DAAM1: variants seen among roughly 807,000 people sequenced by gnomAD.
DAAM1 encodes the protein dishevelled associated activator of morphogenesis 1.
Under a neutral mutation model 130.0 loss-of-function variants are expected in DAAM1, and 52 were observed. That is an observed-to-expected ratio of 0.40 (90% CI 0.32 to 0.50). DAAM1 has a LOEUF of 0.50. Ranked by LOEUF, DAAM1 falls within the 20% of genes least tolerant of loss-of-function variation. The pLI is 0.61. For missense variants in DAAM1, 1,134 were observed against 1,303.8 expected, an observed-to-expected ratio of 0.87 and a Z score of 2.01; for synonymous variants, 452 against 444.5, an observed-to-expected ratio of 1.02 and a Z score of -0.21.
intron 3 of DAAM1, chr14:59,299,647 T>A (rs1192151349): frequency 6.6e-6 from 1 of 152,084 alleles, no homozygotes; most frequent in African/African-American, 2.4e-5. Flanking sequence ...AAATACTAAG[T>A]TAGGAGGTTC....
chr14:59,225,747 G>C (rs1888922389), intron 1 of DAAM1, among the ~76,000 whole-genome samples: 1 of 152,182 alleles, frequency 6.6e-6, no homozygotes, highest in Non-Finnish European at 1.5e-5. Flanking sequence ...TTCTGGGCAA[G>C]GTTTGATCTA....
chr14:59,318,954 G>C (rs1884895787), intron 4 of DAAM1, among the ~76,000 whole-genome samples: 1 of 152,182 alleles, frequency 6.6e-6, no homozygotes, highest in Non-Finnish European at 1.5e-5. Context: ...CATTAATTTG[G>C]GGATAGTTTT....
At chr14:59,352,476 A>C in intron 17 of DAAM1, 50 bp from the exon 18 acceptor site, 3 of 1,436,972 alleles carry the variant, frequency 2.1e-6, no homozygotes, top group Non-Finnish European at 2.9e-6. Context: ...AAATTACTAC[A>C]TGGATTTAAG....
At chr14:59,348,069 C>T (rs950409750) in intron 17 of DAAM1, among the ~76,000 whole-genome samples, 3 of 152,200 alleles carry the variant, frequency 2.0e-5, no homozygotes, top group African/African-American at 7.2e-5. Flanking sequence ...CCTTTAAACC[C>T]CTAACACTGT....
At chr14:59,245,045 G>A (rs989004703) in intron 1 of DAAM1, among the ~76,000 whole-genome samples, 8 of 151,958 alleles carry the variant, frequency 5.3e-5, no homozygotes, top group Admixed American at 4.6e-4. Flanking sequence ...CTCAGGGAAG[G>A]GAAAAGGACG....
At chr14:59,349,272 C>T (rs888139191) in intron 17 of DAAM1, among the ~76,000 whole-genome samples, 14 of 152,368 alleles carry the variant, frequency 9.2e-5, no homozygotes, top group Admixed American at 3.9e-4. Flanking sequence ...TTTTAAAATT[C>T]CACAAGATCT....
intron 1 of DAAM1, among the ~76,000 whole-genome samples, chr14:59,209,011 G>A (rs996970687): frequency 6.6e-6 from 1 of 152,296 alleles, no homozygotes; most frequent in East Asian, 1.9e-4. Flanking sequence ...GCAGAACCAT[G>A]AGCAAATTAA....
intron 15 of DAAM1, chr14:59,338,449 A>G (rs1198926586): frequency 6.2e-7 from 1 of 1,610,134 alleles, no homozygotes; most frequent in Admixed American, 1.7e-5. Flanking sequence ...TGCTTAATAT[A>G]ACTCCTTGGC....
rs1228894453 is a variant in DAAM1 at position 59,272,608 on chromosome 14, T to TATACAC, written c.183+8949_183+8950insTACACA. ...AACAAACAAACAAAATATATATATA[T>TATACAC]ACACACACACACACACACACACATA... On this transcript the variant is annotated intron_variant, in intron 2 of 24. Coordinates refer to ENST00000360909, the MANE Select transcript of DAAM1 (RefSeq NM_001270520.2). 7.3e-5 allele frequency among the ~76,000 whole-genome samples: 10 copies of TATACAC among 137,058 alleles called. No individual in the cohort carries two copies. In the East Asian group the frequency reaches 1.6e-3, roughly 22 times the overall value. 89.9% of individuals were successfully genotyped at this position (137,058 alleles called of 152,430 possible).
At chr14:59,209,313 C>G (rs1361067070) in intron 1 of DAAM1, among the ~76,000 whole-genome samples, 2 of 152,112 alleles carry the variant, frequency 1.3e-5, no homozygotes, top group African/African-American at 4.8e-5. Context: ...TACAAGATAA[C>G]CATTTTTGTT....
intron 1 of DAAM1, among the ~76,000 whole-genome samples, chr14:59,219,809 T>C (rs1407038369): frequency 2.0e-5 from 3 of 152,210 alleles, no homozygotes; most frequent in Admixed American, 1.3e-4. Context: ...TACTGTAGGA[T>C]CCTGCTTGTC....
rs77604823 is a variant in DAAM1, at chr14:59,205,804, T to C, written c.-38+17036T>C. Among the ~76,000 whole-genome samples the C allele has an allele frequency of 1.2e-3, 184 of 152,334 alleles. 4 individuals are homozygous for C. The East Asian group carries it at 0.024, about 20-fold the overall frequency. ...GTTATCTAACTTAAACTTCATTTTG[T>C]AGGAAAAGATACCCTTGGGATGAGA... On this transcript the variant is annotated intron_variant, in intron 1 of 24. Transcript: ENST00000360909.
At chr14:59,341,561 C>T (rs1363312961) in intron 16 of DAAM1, among the ~76,000 whole-genome samples, 2 of 151,906 alleles carry the variant, frequency 1.3e-5, no homozygotes, top group Non-Finnish European at 2.9e-5. Flanking sequence ...CTCACTGTGC[C>T]TGATTTATAA....
chr14:59,213,733 G>A (rs1234709005), intron 1 of DAAM1, among the ~76,000 whole-genome samples: 1 of 152,194 alleles, frequency 6.6e-6, no homozygotes, highest in African/African-American at 2.4e-5. Flanking sequence ...ACGGTGGGTG[G>A]AGGGAAGGTG....
intron 1 of DAAM1, among the ~76,000 whole-genome samples, chr14:59,237,519 A>G (rs1207589913): frequency 6.6e-6 from 1 of 152,204 alleles, no homozygotes; most frequent in Non-Finnish European, 1.5e-5. Context: ...TTAGAAAATG[A>G]AGTGATCTGA....
At chr14:59,326,792 G>A (rs1380193004) in intron 11 of DAAM1, 141 bp from the exon 12 acceptor site, 32 of 1,493,818 alleles carry the variant, frequency 2.1e-5, no homozygotes, top group Non-Finnish European at 2.9e-5. Context: ...CTATAGCTAA[G>A]TAACATCTGG....
chr14:59,339,219 A>G (rs1385204974), intron 15 of DAAM1, among the ~76,000 whole-genome samples: 1 of 152,264 alleles, frequency 6.6e-6, no homozygotes, highest in African/African-American at 2.4e-5. Context: ...AAATGTAGAT[A>G]CAACTTTGCA....
At chr14:59,262,048 C>T (rs1882182980) in intron 1 of DAAM1, among the ~76,000 whole-genome samples, 1 of 151,062 alleles carries the variant, frequency 6.6e-6, no homozygotes, top group Non-Finnish European at 1.5e-5. Context: ...AATTCTCATC[C>T]CACCTTTTTT....
chr14:59,327,093 G>C (rs906954013), intron 12 of DAAM1, 102 bp downstream of exon 12: 2 of 1,309,164 alleles, frequency 1.5e-6, no homozygotes, highest in African/African-American at 2.9e-5. Context: ...TGTTAGCTTG[G>C]TGCAGGCAGC....
Sources: gnomAD v4.1 joint callset for allele counts (sites outside exome capture counted in the v4.1 genomes callset) on GRCh38, gnomAD v4.1.1 for gene constraint, MANE v1.5 for transcripts, NCBI Gene and HGNC (gene_info 2026-07-23, HGNC 2026-07-21) for gene names.